DUXA: variants seen among roughly 807,000 people sequenced by gnomAD.
The protein encoded by DUXA is double homeobox protein A.
A neutral mutation model predicts 27.5 loss-of-function variants in DUXA; 25 were observed. That is an observed-to-expected ratio of 0.91 (90% CI 0.66 to 1.27). The LOEUF (loss-of-function observed/expected upper bound fraction) is 1.27. Among genes scored for constraint, DUXA ranks in the 50% most tolerant of loss-of-function variants. DUXA has a pLI of 0.00. For synonymous variants in DUXA, 90 were observed against 80.5 expected (o/e 1.12, Z -0.63); for missense variants, 247 against 242.9 (o/e 1.02, Z -0.11).
In DUXA at chr19:57,165,329, ATATATATATATATATG is replaced by A. The variant is rs1281702786; in HGVS notation, c.25+2074_25+2089del. ...AGTAGGAAAAAAAAAAAAAAAATAT[ATATATATATATATATG>A]TATATATATATATTCATTCTTTTGA... is the stretch of plus-strand genomic sequence containing the variant. On this transcript the variant is annotated intron_variant, in intron 1 of 5. Transcript: ENST00000554048. Among the ~76,000 whole-genome samples the A allele has an allele frequency of 2.8e-5, 3 of 105,918 alleles. No individual in the cohort carries two copies. In the East Asian group the frequency reaches 8.3e-4, roughly 29 times the overall value. The allele number at this position is 105,918 out of a possible 152,430, so 69.5% of individuals were successfully genotyped here.
intron 1 of DUXA, among the ~76,000 whole-genome samples, chr19:57,165,327 ATAT>A (rs2087047757): frequency 7.6e-4 from 59 of 77,768 alleles, no homozygotes; most frequent in Non-Finnish European, 1.6e-3. Flanking sequence ...AAAAAAAAAT[ATAT>A]ATATATATAT....
chr19:57,154,170 G>A lies in DUXA; in HGVS notation c.*242C>T, dbSNP rs1290104807. 1 of 407,856 alleles carries A rather than the reference G, an allele frequency of 2.5e-6. No homozygotes were observed. Among genetic ancestry groups the A allele is most frequent in the Non-Finnish European group, 4.5e-6 (1 of 222,730 alleles). The allele number at this position is 407,856 out of a possible 1,614,324, so 25.3% of individuals were successfully genotyped here. A position where few individuals can be genotyped will look rare whatever the true frequency, so the allele number is the denominator to read the frequency against. On this transcript the variant is annotated 3_prime_UTR_variant, in exon 6 of 6. Coordinates refer to ENST00000554048, the MANE Select transcript of DUXA (RefSeq NM_001012729.2). Reference sequence around the variant, plus strand: ...TCATTTATTTTGTTTTTTTATAATAGAGGCAGAGTCTTGCTATATGTTGTC... The same window carrying A: ...TCATTTATTTTGTTTTTTTATAATAAAGGCAGAGTCTTGCTATATGTTGTC...
At chr19:57,165,317 AAAAAAAAATAT>A (rs1568465230) in intron 1 of DUXA, among the ~76,000 whole-genome samples, 2 of 113,902 alleles carry the variant, frequency 1.8e-5, no homozygotes, top group South Asian at 2.8e-4. Flanking sequence ...AGGAAAAAAA[AAAAAAAAATAT>A]ATATATATAT....
At chr19:57,159,365 T>C (rs940658066) in intron 2 of DUXA, 87 bp from the exon 3 acceptor site, 7 of 1,218,350 alleles carry the variant, frequency 5.7e-6, no homozygotes, top group African/African-American at 4.5e-5. Context: ...GCAATTCTTA[T>C]TGGGCCTAGG....
rs193128949 is a variant in DUXA at position 57,164,205 on chromosome 19, A to G, written c.25+3214T>C. 2.3e-3 allele frequency among the ~76,000 whole-genome samples: 346 copies of G among 152,344 alleles called. 1 individual carries two copies. Among genetic ancestry groups the G allele is most frequent in the African/African-American group, 8.1e-3 (335 of 41,572 alleles). On this transcript the variant is annotated intron_variant, in intron 1 of 5. Transcript: ENST00000554048. ...AGTAAAAAGATAATTCCTCATGACCACATGGGATTTATCCCACGGATGCAA... is the reference window on the plus strand; with the variant it reads ...AGTAAAAAGATAATTCCTCATGACCGCATGGGATTTATCCCACGGATGCAA...
Position 57,163,536 on chromosome 19 carries a change from T to C in DUXA, c.26-2739A>G, listed in dbSNP as rs568944225. On this transcript the variant is annotated intron_variant, in intron 1 of 5. Coordinates refer to ENST00000554048, the MANE Select transcript of DUXA (RefSeq NM_001012729.2). ...TCGGCTCACTGCAGCCTCAGTCTCC[T>C]GGGTTCAAGTGATTCCCCTGCCTCA... Among the ~76,000 whole-genome samples, 48 of 152,138 alleles carry C rather than the reference T, an allele frequency of 3.2e-4. 1 individual carries two copies. In the South Asian group the frequency reaches 9.3e-3, roughly 30 times the overall value.
At chr19:57,163,105 AC>A in intron 1 of DUXA, among the ~76,000 whole-genome samples, 1 of 151,204 alleles carries the variant, frequency 6.6e-6, no homozygotes, top group Admixed American at 6.6e-5. Flanking sequence ...CTTCCATCTG[AC>A]CCCCAACCCG....
intron 1 of DUXA, among the ~76,000 whole-genome samples, chr19:57,165,324 A>ATATATATATATATATATATATATAT (rs1555759590): frequency 2.2e-4 from 20 of 89,236 alleles, no homozygotes; most frequent in Admixed American, 1.0e-3. Flanking sequence ...AAAAAAAAAA[A>ATATATATATATATATATATATATAT]ATATATATAT....
chr19:57,156,003 T>A lies in DUXA; in HGVS notation c.439-631A>T, dbSNP rs537369627. 8.5e-5 allele frequency among the ~76,000 whole-genome samples: 13 copies of A among 152,084 alleles called. No individual in the cohort carries two copies. In the South Asian group the frequency reaches 2.5e-3, roughly 29 times the overall value. ...TAACATTTTATGACATTTGTGAGAGTCTATAAGGCCTAAAGAGAACACCCA... is the reference window on the plus strand; with the variant it reads ...TAACATTTTATGACATTTGTGAGAGACTATAAGGCCTAAAGAGAACACCCA... On this transcript the variant is annotated intron_variant, in intron 4 of 5. Transcript: ENST00000554048.
At chr19:57,164,120 T>C (rs2087038769) in intron 1 of DUXA, among the ~76,000 whole-genome samples, 1 of 152,148 alleles carries the variant, frequency 6.6e-6, no homozygotes, top group Non-Finnish European at 1.5e-5. Flanking sequence ...AAAAGGACAA[T>C]ATCCCTAATG....
intron 1 of DUXA, among the ~76,000 whole-genome samples, chr19:57,165,339 A>G (rs1599933304): frequency 7.0e-6 from 1 of 142,016 alleles, no homozygotes; most frequent in Non-Finnish European, 1.5e-5. Flanking sequence ...ATATATATAT[A>G]TATATGTATA....
At position 57,155,221 on chromosome 19, in the gene DUXA, C is replaced by CA. The variant is rs34358992; in HGVS notation, c.544+45dup. 1,450 of 1,568,380 alleles carry CA rather than the reference C, an allele frequency of 9.2e-4. 5 individuals are homozygous for CA. Among genetic ancestry groups the CA allele is most frequent in the Admixed American group, 1.3e-3 (79 of 59,618 alleles). On this transcript the variant is annotated intron_variant, in intron 5 of 5. Coordinates refer to ENST00000554048, the MANE Select transcript of DUXA (RefSeq NM_001012729.2). Reference sequence around the variant, plus strand: ...CCACCATGACGAAGCACTGGACATCCAAGGGCTCCGCTTGTGAACCACATT... The same window carrying CA: ...CCACCATGACGAAGCACTGGACATCCAAAGGGCTCCGCTTGTGAACCACATT...
rs983458211 is a variant in DUXA at position 57,154,121 on chromosome 19, C to T, written c.*291G>A. ...AGGGTAGTGTGGTACCCCCTGTACC[C>T]GTCTCTGCCTCCTACAGTCCTTTTC... On this transcript the variant is annotated 3_prime_UTR_variant, in exon 6 of 6. Coordinates refer to ENST00000554048, the MANE Select transcript of DUXA (RefSeq NM_001012729.2). 2.6e-5 allele frequency: 8 copies of T among 304,288 alleles called. No individual in the cohort carries two copies. The highest frequency in any genetic ancestry group is 1.4e-4 in the Admixed American group (3 of 21,420). 18.8% of individuals were successfully genotyped at this position (304,288 alleles called of 1,614,324 possible). A position where few individuals can be genotyped will look rare whatever the true frequency, so the allele number is the denominator to read the frequency against.
At chr19:57,162,500 C>A (rs1035337297) in intron 1 of DUXA, among the ~76,000 whole-genome samples, 2 of 152,112 alleles carry the variant, frequency 1.3e-5, no homozygotes, top group South Asian at 4.1e-4. Context: ...GTTAAAAGAC[C>A]AACAGCTTTT....
intron 1 of DUXA, among the ~76,000 whole-genome samples, chr19:57,162,076 G>C (rs1345784165): frequency 6.6e-6 from 1 of 151,886 alleles, no homozygotes; most frequent in Non-Finnish European, 1.5e-5. Flanking sequence ...CTTTTTGATA[G>C]AGTTTCGCCA....
At chr19:57,163,750 G>A (rs2087036635) in intron 1 of DUXA, among the ~76,000 whole-genome samples, 1 of 152,064 alleles carries the variant, frequency 6.6e-6, no homozygotes, top group South Asian at 2.1e-4. Context: ...CTTGTTTAAA[G>A]GGTAGTTGTC....
intron 1 of DUXA, among the ~76,000 whole-genome samples, chr19:57,161,336 A>AAAAAAAAAAAAAAAAC (rs1555758691): frequency 7.1e-6 from 1 of 140,268 alleles, no homozygotes; most frequent in African/African-American, 2.7e-5. Flanking sequence ...AAAAAAAAAA[A>AAAAAAAAAAAAAAAAC]AAAAAAACTG....
intron 2 of DUXA, 36 bp from the exon 3 acceptor site, chr19:57,159,314 T>C: frequency 6.3e-7 from 1 of 1,582,178 alleles, no homozygotes; most frequent in Non-Finnish European, 8.7e-7. Flanking sequence ...AATTACGTGT[T>C]AATGTCATTT....
At chr19:57,155,189 G>T in intron 5 of DUXA, 78 bp downstream of exon 5, 1 of 1,333,778 alleles carries the variant, frequency 7.5e-7, no homozygotes, top group Non-Finnish European at 1.1e-6. Context: ...AGGAGGAGCT[G>T]TCGGCTCCAC....
Sources: gnomAD v4.1 joint callset for allele counts (sites outside exome capture counted in the v4.1 genomes callset) on GRCh38, gnomAD v4.1.1 for gene constraint, MANE v1.5 for transcripts, NCBI Gene and HGNC (gene_info 2026-07-23, HGNC 2026-07-21) for gene names.